SORT1: variants seen among roughly 807,000 people sequenced by gnomAD.
SORT1 encodes sortilin 1, also known as sortilin.
In SORT1, 39 loss-of-function variants were observed where a neutral mutation model predicts 101.7. That is an observed-to-expected ratio of 0.38 (90% CI 0.30 to 0.50). The LOEUF (loss-of-function observed/expected upper bound fraction) is 0.50. SORT1 is among the 20% of genes least tolerant of loss of function. The pLI, the probability that SORT1 is intolerant of heterozygous loss-of-function variation, is 0.90. For missense variants in SORT1, 878 were observed against 1,040.4 expected, an observed-to-expected ratio of 0.84 and a Z score of 2.15; for synonymous variants, 396 against 393.7, an observed-to-expected ratio of 1.01 and a Z score of -0.07.
chr1:109,356,061 G>A lies in SORT1; in HGVS notation c.441-592C>T, dbSNP rs534785946. On this transcript the variant is annotated intron_variant, in intron 3 of 19. Coordinates refer to ENST00000256637, the MANE Select transcript of SORT1 (RefSeq NM_002959.7). ...TAATTTTTGTATTTTAAGTAGAGAC[G>A]GGGTTTCACCACATTGCTCAGGCTG... Among the ~76,000 whole-genome samples, 10 of 152,146 alleles carry A rather than the reference G, an allele frequency of 6.6e-5. No homozygotes were observed. In the South Asian group the frequency reaches 1.9e-3, roughly 28 times the overall value.
Position 109,329,870 on chromosome 1 carries a change from T to C in SORT1, c.1372-2269A>G, listed in dbSNP as rs111917816. Among the ~76,000 whole-genome samples the C allele has an allele frequency of 5.0e-3, 767 of 152,312 alleles. 10 individuals carry two copies. Among genetic ancestry groups the C allele is most frequent in the African/African-American group, 0.018 (736 of 41,554 alleles). ...CATACAAATGGACCTAACAGACATA[T>C]ACAGAACATTCTATCCAATAGCAGC... On this transcript the variant is annotated intron_variant, in intron 11 of 19. Coordinates refer to ENST00000256637, the MANE Select transcript of SORT1 (RefSeq NM_002959.7).
chr1:109,332,644 C>T (rs1386509889), intron 11 of SORT1, among the ~76,000 whole-genome samples: 1 of 152,046 alleles, frequency 6.6e-6, no homozygotes, highest in African/African-American at 2.4e-5. Context: ...ACAAAAGACC[C>T]TGAATAACCA....
chr1:109,397,894 G>T lies in SORT1; in HGVS notation c.-2C>A. 5.2e-6 allele frequency: 6 copies of T among 1,152,304 alleles called. No homozygotes were observed. The highest frequency in any genetic ancestry group is 6.4e-6 in the Non-Finnish European group (6 of 938,886). 71.4% of individuals were successfully genotyped at this position (1,152,304 alleles called of 1,614,324 possible). A position where few individuals can be genotyped will look rare whatever the true frequency, so the allele number is the denominator to read the frequency against. On this transcript the variant is annotated 5_prime_UTR_variant, in exon 1 of 20. Transcript: ENST00000256637. ...CGCAGCTCCCCAGGGCCGCTCCATC[G>T]CCGCCGAATGCCGCCGACGCCGACA... is the stretch of plus-strand genomic sequence containing the variant.
At position 109,345,821 on chromosome 1, in the gene SORT1, G is replaced by T; in HGVS notation, c.893C>A (p.Thr298Asn). The part of the protein sequence containing the change: ...RTSDLGKSFK[T>N]IGVKIYSFGL... Reference sequence around the variant, plus strand: ...AAATGAGTAGATTTTCACACCAATAGTTTTGAAGCTTTTTCCCAAGTCTGA... The same window carrying T: ...AAATGAGTAGATTTTCACACCAATATTTTTGAAGCTTTTTCCCAAGTCTGA... The change falls in exon 8 of 20, where the codon ACT (threonine) becomes AAT (asparagine). Residue 298 changes from threonine to asparagine, a missense_variant. Thr to Asn is a moderately conservative substitution (Grantham distance 65). This residue lies in a region of SORT1 where 684 missense variants were observed against 894.5 expected (regional missense o/e 0.76). Coordinates refer to ENST00000256637, the MANE Select transcript of SORT1 (RefSeq NM_002959.7). The T allele has an allele frequency of 6.2e-7, 1 of 1,613,470 alleles. No homozygotes were observed. The highest frequency in any genetic ancestry group is 8.5e-7 in the Non-Finnish European group (1 of 1,179,468).
chr1:109,394,770 G>C (rs1010249708), intron 1 of SORT1, among the ~76,000 whole-genome samples: 2 of 152,074 alleles, frequency 1.3e-5, no homozygotes, highest in Non-Finnish European at 2.9e-5. Context: ...GAATTAATGT[G>C]GCTTGAAATG....
intron 3 of SORT1, among the ~76,000 whole-genome samples, chr1:109,363,648 C>CAG (rs1300637268): frequency 6.6e-6 from 1 of 152,168 alleles, no homozygotes; most frequent in African/African-American, 2.4e-5. Context: ...CTGTAATACA[C>CAG]AGAGCAGGTG....
Position 109,340,757 on chromosome 1 carries a change from G to A in SORT1, c.1231C>T (p.Arg411Cys), listed in dbSNP as rs1343184076. 2 of 1,614,130 alleles carry A rather than the reference G, an allele frequency of 1.2e-6. No homozygotes were observed. The highest frequency in any genetic ancestry group is 1.7e-6 in the Non-Finnish European group (2 of 1,180,012). ...AGCACGCTTGTTATGTAGACGCCGC[G>A]GAGGGAGGTCACGTTGGTAAAGTCC... ...ETDFTNVTSL[R>C]GVYITSVLSE... The change falls in exon 10 of 20, where the codon CGC (arginine) becomes TGC (cysteine). Residue 411 changes from arginine to cysteine, a missense_variant. Physicochemically the swap from Arg to Cys is radical, Grantham distance 180. Transcript: ENST00000256637.
At chr1:109,360,814 G>C (rs1650674321) in intron 3 of SORT1, among the ~76,000 whole-genome samples, 1 of 152,150 alleles carries the variant, frequency 6.6e-6, no homozygotes, top group Admixed American at 6.5e-5. Context: ...CCATGGCTTT[G>C]GGTGATGGTC....
intron 15 of SORT1, among the ~76,000 whole-genome samples, chr1:109,319,837 G>A (rs1007749377): frequency 8.6e-5 from 13 of 151,618 alleles, no homozygotes; most frequent in African/African-American, 2.4e-4. Flanking sequence ...ACTGTACTCC[G>A]GCCTGGGCGA....
At chr1:109,340,648 G>C (rs1287759358) in intron 10 of SORT1, 76 bp downstream of exon 10, 46 of 1,455,198 alleles carry the variant, frequency 3.2e-5, no homozygotes, top group Non-Finnish European at 4.3e-5. Context: ...ATTACTAGGG[G>C]ACAGGTTCCC....
intron 1 of SORT1, among the ~76,000 whole-genome samples, chr1:109,380,768 G>A (rs1379074772): frequency 6.5e-5 from 9 of 137,560 alleles, no homozygotes; most frequent in Admixed American, 4.9e-4. Flanking sequence ...CTTGAGCCTG[G>A]GAGTTTGAGA....
At chr1:109,369,469 TC>T in intron 2 of SORT1, 60 bp downstream of exon 2, 1 of 1,069,292 alleles carries the variant, frequency 9.4e-7, no homozygotes, top group Non-Finnish European at 1.5e-6. Flanking sequence ...GCTTAACCCT[TC>T]CCCAAATCTG....
chr1:109,345,641 A>T, intron 8 of SORT1, 110 bp downstream of exon 8: 1 of 1,059,384 alleles, frequency 9.4e-7, no homozygotes, highest in Non-Finnish European at 1.4e-6. Flanking sequence ...CAGTGGTACT[A>T]AATATAACAA....
chr1:109,364,012 C>G (rs775378572), intron 3 of SORT1, among the ~76,000 whole-genome samples: 1 of 152,054 alleles, frequency 6.6e-6, no homozygotes, highest in Non-Finnish European at 1.5e-5. Context: ...GAAGTGGGTA[C>G]AGAGTCAGTT....
chr1:109,373,034 G>A (rs910284647), intron 1 of SORT1, among the ~76,000 whole-genome samples: 1 of 151,836 alleles, frequency 6.6e-6, no homozygotes, highest in African/African-American at 2.4e-5. Flanking sequence ...TAGCCTGTGC[G>A]ACAGGGCAAG....
chr1:109,324,839 GATT>G (rs1647879806), intron 14 of SORT1, 57 bp downstream of exon 14: 1 of 1,137,586 alleles, frequency 8.8e-7, no homozygotes, highest in African/African-American at 1.6e-5. Context: ...AAACCATATT[GATT>G]ATTTAGGAAA....
At chr1:109,367,536 G>A in intron 2 of SORT1, 55 bp from the exon 3 acceptor site, 1 of 1,145,928 alleles carries the variant, frequency 8.7e-7, no homozygotes, top group Non-Finnish European at 1.3e-6. Context: ...ATCACATGCT[G>A]ATATGTGTTC....
chr1:109,370,375 A>G (rs1004085702), intron 1 of SORT1, among the ~76,000 whole-genome samples: 3 of 152,200 alleles, frequency 2.0e-5, no homozygotes, highest in African/African-American at 7.2e-5. Context: ...TAAGTCACTC[A>G]TAATCCTACC....
At chr1:109,338,741 C>T (rs1329964982) in intron 10 of SORT1, among the ~76,000 whole-genome samples, 2 of 152,144 alleles carry the variant, frequency 1.3e-5, no homozygotes, top group African/African-American at 4.8e-5. Context: ...TTCTATTTAT[C>T]ATAACTTATT....
Sources: gnomAD v4.1 joint callset for allele counts (sites outside exome capture counted in the v4.1 genomes callset) on GRCh38, gnomAD v4.1.1 for gene constraint, gnomAD v4.1.1 regional missense constraint, MANE v1.5 for transcripts, NCBI Gene and HGNC (gene_info 2026-07-23, HGNC 2026-07-21) for gene names.